TFEB: variants seen among roughly 807,000 people sequenced by gnomAD.
TFEB encodes the protein transcription factor EB.
A neutral mutation model predicts 48.0 loss-of-function variants in TFEB; 12 were observed. The ratio of observed to expected loss-of-function variants is 0.25; its 90% CI spans 0.16 to 0.40. TFEB has a LOEUF of 0.40. TFEB is among the 10% of genes least tolerant of loss of function. TFEB has a pLI of 1.00. For missense variants in TFEB, 509 were observed against 640.3 expected, an observed-to-expected ratio of 0.79 and a Z score of 2.21; for synonymous variants, 244 against 261.4, an observed-to-expected ratio of 0.93 and a Z score of 0.64.
intron 1 of TFEB, among the ~76,000 whole-genome samples, chr6:41,719,873 G>C (rs759111765): frequency 1.3e-5 from 2 of 152,128 alleles, no homozygotes; most frequent in Non-Finnish European, 2.9e-5. Context: ...GTAACCTTGG[G>C]TGAGAGATTT....
intron 1 of TFEB, among the ~76,000 whole-genome samples, chr6:41,719,905 C>G (rs1333021282): frequency 6.8e-6 from 1 of 146,888 alleles, no homozygotes; most frequent in African/African-American, 2.7e-5. Context: ...GCCTCAGCTT[C>G]CTGAGGCCCA....
intron 3 of TFEB, among the ~76,000 whole-genome samples, chr6:41,690,379 C>T (rs1435708224): frequency 2.0e-5 from 3 of 152,234 alleles, no homozygotes; most frequent in African/African-American, 7.2e-5. Flanking sequence ...ATCTGGCTGC[C>T]TCAGCCTTCC....
rs561111743 is a variant in TFEB at position 41,690,287 on chromosome 6, C to T, written c.468+376G>A. Among the ~76,000 whole-genome samples the T allele has an allele frequency of 3.4e-3, 516 of 152,240 alleles. 3 individuals carry two copies. The highest frequency in any genetic ancestry group is 5.7e-3 in the Non-Finnish European group (388 of 68,010). ...CTGGGATTACAGGCGTGCACCACCA[C>T]GCCCAGCTAATTTTTGTATTTTAGT... On this transcript the variant is annotated intron_variant, in intron 3 of 8. Transcript: ENST00000373033.
chr6:41,718,854 C>T (rs1000954394), intron 1 of TFEB, among the ~76,000 whole-genome samples: 9 of 152,126 alleles, frequency 5.9e-5, no homozygotes, highest in South Asian at 2.1e-4. Context: ...TTGGGACCTG[C>T]GGTTGGCTGC....
chr6:41,698,299 G>GC (rs1467658678), intron 1 of TFEB, among the ~76,000 whole-genome samples: 1 of 152,176 alleles, frequency 6.6e-6, no homozygotes, highest in East Asian at 1.9e-4. Flanking sequence ...TGGGAGTTTG[G>GC]CCTCAGTCCT....
intron 1 of TFEB, among the ~76,000 whole-genome samples, chr6:41,697,706 C>T (rs1769682240): frequency 6.6e-6 from 1 of 152,124 alleles, no homozygotes; most frequent in African/African-American, 2.4e-5. Flanking sequence ...AGATGCACTT[C>T]ACATTATATG....
upstream of TFEB, chr6:41,735,671 C>T: frequency 1.5e-6 from 1 of 652,394 alleles, no homozygotes; most frequent in Non-Finnish European, 1.9e-6. Context: ...CGCTCTGCCT[C>T]GGCGCCCACT....
In TFEB at chr6:41,724,413, G is replaced by T. The variant is rs1771121834; in HGVS notation, c.-23+10937C>A. On this transcript the variant is annotated intron_variant, in intron 1 of 8. Transcript: ENST00000373033. The surrounding 1 kb of genome is among the most constrained non-coding windows in gnomAD (Gnocchi z 4.4). ...AAGCGGGCAGCAGAGAGGAGATGAG[G>T]CAGGCCGTGGCTCCTGGAGAAGGCA... 6.6e-6 allele frequency among the ~76,000 whole-genome samples: 1 copy of T among 152,170 alleles called. No homozygotes were observed. The highest frequency in any genetic ancestry group is 2.4e-5 in the African/African-American group (1 of 41,436).
At chr6:41,727,380 G>A (rs990024560) in intron 1 of TFEB, among the ~76,000 whole-genome samples, 7 of 152,092 alleles carry the variant, frequency 4.6e-5, no homozygotes, top group East Asian at 1.9e-4. Context: ...AGAGGGTGGC[G>A]GAGGGTGGAG....
chr6:41,714,194 CAT>C (rs1770626572), intron 1 of TFEB, among the ~76,000 whole-genome samples: 1 of 150,300 alleles, frequency 6.7e-6, no homozygotes, highest in African/African-American at 2.5e-5. Flanking sequence ...CATGTGCATG[CAT>C]GTGCGTGCAT....
At position 41,734,807 on chromosome 6, in the gene TFEB, C is replaced by G. The variant is rs947051876; in HGVS notation, c.-23+543G>C. ...AGAGATGGTACTTCCACCCGCCCCC[C>G]CATCAGCCCAGCCCCCGGGGCGTGG... On this transcript the variant is annotated intron_variant, in intron 1 of 8. Transcript: ENST00000373033. This position sits in a 1 kb window ranked among gnomAD's most constrained non-coding sequence, Gnocchi z 4.0. 1.1e-5 allele frequency: 9 copies of G among 822,214 alleles called. No individual in the cohort carries two copies. The highest frequency in any genetic ancestry group is 1.3e-5 in the Non-Finnish European group (9 of 680,824). The allele number at this position is 822,214 out of a possible 1,614,324, so 50.9% of individuals were successfully genotyped here.
intron 1 of TFEB, among the ~76,000 whole-genome samples, chr6:41,725,308 G>A (rs1011131657): frequency 3.9e-5 from 6 of 152,112 alleles, no homozygotes; most frequent in Non-Finnish European, 5.9e-5. Context: ...TGTCCCCTAG[G>A]GGGACAAAAT....
rs1310195013 is a variant in TFEB at position 41,730,922 on chromosome 6, G to A, written c.-23+4428C>T. Among the ~76,000 whole-genome samples the A allele has an allele frequency of 6.6e-6, 1 of 152,206 alleles. No homozygotes were observed. The highest frequency in any genetic ancestry group is 1.5e-5 in the Non-Finnish European group (1 of 68,016). On this transcript the variant is annotated intron_variant, in intron 1 of 8. Transcript: ENST00000373033. The surrounding 1 kb of genome is among the most constrained non-coding windows in gnomAD (Gnocchi z 4.1). ...TGCACCGTCTTATTCAACAAGGAGA[G>A]GAGGCTGGTGTGGTGGGACAGAGAG...
chr6:41,706,423 C>T (rs1770223209), intron 1 of TFEB, among the ~76,000 whole-genome samples: 1 of 152,162 alleles, frequency 6.6e-6, no homozygotes, highest in Admixed American at 6.5e-5. Flanking sequence ...GGCCACTAGA[C>T]AGCACAGGCA....
chr6:41,719,796 A>C (rs1387216206), intron 1 of TFEB, among the ~76,000 whole-genome samples: 1 of 152,192 alleles, frequency 6.6e-6, no homozygotes, highest in Non-Finnish European at 1.5e-5. Context: ...CACTACCCAG[A>C]TTTGAACTCT....
chr6:41,735,695 C>G (rs955681020), upstream of TFEB: 23 of 428,676 alleles, frequency 5.4e-5, 1 homozygote, highest in African/African-American at 4.3e-4. Flanking sequence ...AAGCGTAGTT[C>G]TCGCTGCAGT....
intron 1 of TFEB, among the ~76,000 whole-genome samples, chr6:41,701,010 T>C (rs1490842970): frequency 1.3e-5 from 2 of 152,202 alleles, no homozygotes; most frequent in African/African-American, 4.8e-5. Flanking sequence ...ATGTAGCTAA[T>C]AGGAACATGA....
chr6:41,708,236 T>A (rs1456903835), intron 1 of TFEB, among the ~76,000 whole-genome samples: 1 of 152,234 alleles, frequency 6.6e-6, no homozygotes, highest in Non-Finnish European at 1.5e-5. Context: ...AGCGTGGAAC[T>A]GGCGACTGGG....
In TFEB at chr6:41,724,438, AG is replaced by A. The variant is rs916254769; in HGVS notation, c.-23+10911del. On this transcript the variant is annotated intron_variant, in intron 1 of 8. Transcript: ENST00000373033. This position sits in a 1 kb window ranked among gnomAD's most constrained non-coding sequence, Gnocchi z 4.4. Reference sequence around the variant, plus strand: ...GCAGGCCGTGGCTCCTGGAGAAGGCAGGAGATGCCAGCAATGTGAGGGAAGC... The same window carrying A: ...GCAGGCCGTGGCTCCTGGAGAAGGCAGAGATGCCAGCAATGTGAGGGAAGC... Among the ~76,000 whole-genome samples the A allele has an allele frequency of 3.3e-5, 5 of 152,134 alleles. No homozygotes were observed. Among genetic ancestry groups the A allele is most frequent in the Non-Finnish European group, 7.4e-5 (5 of 68,006 alleles).
Sources: allele counts gnomAD v4.1 joint callset (sites outside exome capture counted in the v4.1 genomes callset), GRCh38; gene constraint gnomAD v4.1.1; non-coding constraint Gnocchi (gnomAD v3.1); transcripts MANE v1.5; gene names NCBI Gene and HGNC (gene_info 2026-07-23, HGNC 2026-07-21).